Variants in ARHGAP12 observed in about 807,000 individuals in gnomAD.
ARHGAP12 encodes rho GTPase-activating protein 12.
A neutral mutation model predicts 108.6 loss-of-function variants in ARHGAP12; 64 were observed. That is an observed-to-expected ratio of 0.59 (90% confidence interval 0.48 to 0.73). The LOEUF (loss-of-function observed/expected upper bound fraction) is 0.73, where lower values mean the gene tolerates loss of function less well. Among genes scored for constraint, ARHGAP12 ranks in the 30% least tolerant of loss-of-function variants. The pLI is 0.00. For synonymous variants in ARHGAP12, 312 were observed against 337.2 expected (o/e 0.93, Z 0.82); for missense variants, 940 against 1,005.9 (o/e 0.93, Z 0.89).
At chr10:31,827,568 G>C (rs1835662661) in intron 10 of ARHGAP12, among the ~76,000 whole-genome samples, 1 of 152,104 alleles carries the variant, frequency 6.6e-6, no homozygotes, top group African/African-American at 2.4e-5. Context: ...GAGACGGGTG[G>C]ATCATGAGGT....
Position 31,828,716 on chromosome 10 carries a change from A to AT in ARHGAP12, c.1449-2332dup, listed in dbSNP as rs1412315285. On this transcript the variant is annotated intron_variant, in intron 10 of 19. Transcript: ENST00000344936. ...TCACATTTTTTTTTCCTGGAACCCC[A>AT]TTTTTTCTCCTGAAAAAACAACTGA... Among the ~76,000 whole-genome samples, 9 of 152,102 alleles carry AT rather than the reference A, an allele frequency of 5.9e-5. No homozygotes were observed. In the East Asian group the frequency reaches 1.7e-3, roughly 29 times the overall value.
intron 3 of ARHGAP12, among the ~76,000 whole-genome samples, chr10:31,892,307 C>G (rs1035696645): frequency 6.6e-6 from 1 of 152,114 alleles, no homozygotes; most frequent in Admixed American, 6.5e-5. Context: ...TTAAAAGACA[C>G]AGACTGGCAA....
intron 13 of ARHGAP12, among the ~76,000 whole-genome samples, chr10:31,817,313 A>G (rs952194150): frequency 6.6e-6 from 1 of 152,204 alleles, no homozygotes; most frequent in East Asian, 1.9e-4. Context: ...AGAAGAAGAA[A>G]TATACTAGGA....
At chr10:31,874,991 AAAAAAAAAAAAT>A (rs1302465856) in intron 3 of ARHGAP12, among the ~76,000 whole-genome samples, 20 of 150,630 alleles carry the variant, frequency 1.3e-4, no homozygotes, top group African/African-American at 3.9e-4. Flanking sequence ...AAAAAAAAAA[AAAAAAAAAAAAT>A]TTTCACACAC....
intron 3 of ARHGAP12, among the ~76,000 whole-genome samples, chr10:31,877,486 T>G (rs1837775496): frequency 6.6e-6 from 1 of 152,224 alleles, no homozygotes; most frequent in Non-Finnish European, 1.5e-5. Context: ...ACACTCCTTC[T>G]CACTTGATTG....
At chr10:31,853,993 T>G in intron 5 of ARHGAP12, 73 bp downstream of exon 5, 2 of 1,434,992 alleles carry the variant, frequency 1.4e-6, no homozygotes, top group Non-Finnish European at 1.9e-6. Flanking sequence ...TTTTAAATAC[T>G]AAAACTGCAG....
intron 3 of ARHGAP12, among the ~76,000 whole-genome samples, chr10:31,882,929 C>T (rs1226246167): frequency 1.3e-5 from 2 of 151,728 alleles, no homozygotes; most frequent in Non-Finnish European, 2.9e-5. Context: ...ATCCCTCTTA[C>T]TAAGGAAAAT....
intron 3 of ARHGAP12, among the ~76,000 whole-genome samples, chr10:31,899,666 TG>T: frequency 6.6e-6 from 1 of 152,130 alleles, no homozygotes. Context: ...AACAATTAGA[TG>T]GATATATGCA....
intron 2 of ARHGAP12, among the ~76,000 whole-genome samples, chr10:31,909,816 A>G (rs778560396): frequency 1.5e-4 from 23 of 152,158 alleles, no homozygotes; most frequent in African/African-American, 2.2e-4. Context: ...GGATCTCTTG[A>G]GCCCAGGAGG....
intron 14 of ARHGAP12, among the ~76,000 whole-genome samples, chr10:31,813,130 A>G (rs1429433544): frequency 6.6e-6 from 1 of 152,170 alleles, no homozygotes; most frequent in East Asian, 1.9e-4. Flanking sequence ...TATTTCATAA[A>G]TGATTAACTA....
chr10:31,853,997 AC>A, intron 5 of ARHGAP12, 68 bp downstream of exon 5: 1 of 1,439,196 alleles, frequency 6.9e-7, no homozygotes, highest in Non-Finnish European at 9.3e-7. Flanking sequence ...AAATACTAAA[AC>A]TGCAGTACAC....
chr10:31,840,624 A>G (rs1465602341), intron 7 of ARHGAP12, among the ~76,000 whole-genome samples: 1 of 152,154 alleles, frequency 6.6e-6, no homozygotes, highest in Non-Finnish European at 1.5e-5. Context: ...CCACGTAGGT[A>G]TCATTCTAGT....
At chr10:31,903,466 T>C (rs1166094866) in intron 3 of ARHGAP12, among the ~76,000 whole-genome samples, 2 of 152,194 alleles carry the variant, frequency 1.3e-5, no homozygotes, top group Non-Finnish European at 1.5e-5. Context: ...AAAAGCCTAA[T>C]ATAGCTAGAG....
At chr10:31,880,735 C>T (rs1837916414) in intron 3 of ARHGAP12, among the ~76,000 whole-genome samples, 2 of 151,976 alleles carry the variant, frequency 1.3e-5, no homozygotes, top group Admixed American at 1.3e-4. Flanking sequence ...ATTTTATATT[C>T]ATATATTCAC....
At chr10:31,853,916 G>T in intron 5 of ARHGAP12, 150 bp downstream of exon 5, 1 of 826,928 alleles carries the variant, frequency 1.2e-6, no homozygotes. Context: ...GTTACACTGA[G>T]TTTTCGTATT....
At position 31,820,345 on chromosome 10, in the gene ARHGAP12, C is replaced by G. The variant is rs758296966; in HGVS notation, c.1632+42G>C. ...GCTCAAAAAACAGAACATCCAATTA[C>G]TACAGTTTAGAATGTGTTATACTTA... On this transcript the variant is annotated intron_variant, in intron 12 of 19. Transcript: ENST00000344936. 35 of 1,474,150 alleles carry G rather than the reference C, an allele frequency of 2.4e-5. No individual in the cohort carries two copies. In the South Asian group the frequency reaches 4.4e-4, roughly 18 times the overall value. 91.3% of individuals were successfully genotyped at this position (1,474,150 alleles called of 1,614,324 possible).
intron 3 of ARHGAP12, among the ~76,000 whole-genome samples, chr10:31,904,639 T>C (rs1839054210): frequency 6.6e-6 from 1 of 152,116 alleles, no homozygotes; most frequent in African/African-American, 2.4e-5. Context: ...TTATTATTAT[T>C]ATTTTGAGAC....
At chr10:31,884,220 G>A (rs1361543179) in intron 3 of ARHGAP12, among the ~76,000 whole-genome samples, 2 of 147,944 alleles carry the variant, frequency 1.4e-5, no homozygotes, top group Non-Finnish European at 3.0e-5. Context: ...TTTAGTATTA[G>A]AAAACAAAAC....
chr10:31,838,408 G>T (rs1371385678), intron 9 of ARHGAP12, among the ~76,000 whole-genome samples: 1 of 152,184 alleles, frequency 6.6e-6, no homozygotes, highest in Non-Finnish European at 1.5e-5. Context: ...CAGGCTGGGT[G>T]TGGTAGCTCA....
Sources: allele counts gnomAD v4.1 joint callset (sites outside exome capture counted in the v4.1 genomes callset), GRCh38; gene constraint gnomAD v4.1.1; transcripts MANE v1.5; gene names NCBI Gene and HGNC (gene_info 2026-07-23, HGNC 2026-07-21).